HMCN1: variants seen among roughly 807,000 people sequenced by gnomAD.
HMCN1 encodes the protein hemicentin 1.
HMCN1 carries 321 observed loss-of-function variants against 625.9 expected under a neutral mutation model. The observed-to-expected ratio is 0.51, with a 90% CI of 0.47 to 0.56. The LOEUF (loss-of-function observed/expected upper bound fraction) is 0.56, where lower values mean the gene tolerates loss of function less well. HMCN1 is among the 20% of genes least tolerant of loss of function. The probability of loss-of-function intolerance (pLI) is 0.00; values close to 1 mark genes in which losing one functional copy is unlikely to be tolerated. For synonymous variants in HMCN1, 2,425 were observed against 2,417.6 expected (o/e 1.00, Z -0.09); for missense variants, 6,588 against 6,887.3 (o/e 0.96, Z 1.54).
intron 30 of HMCN1, among the ~76,000 whole-genome samples, chr1:186,008,003 G>C (rs2102098841): frequency 6.6e-6 from 1 of 152,184 alleles, no homozygotes; most frequent in Admixed American, 6.5e-5. Flanking sequence ...ACACCTCTTA[G>C]AATGTCACCT....
At chr1:185,798,524 C>T (rs1658560319) in intron 1 of HMCN1, among the ~76,000 whole-genome samples, 1 of 152,090 alleles carries the variant, frequency 6.6e-6, no homozygotes, top group Non-Finnish European at 1.5e-5. Context: ...TAGATTTGAA[C>T]ATTTTACATA....
At chr1:186,145,193 A>G (rs1322374) in intron 91 of HMCN1, among the ~76,000 whole-genome samples, 54,115 of 152,202 alleles carry the variant, frequency 0.36, 10,854 homozygotes, top group East Asian at 0.58. Flanking sequence ...GTTAAATTGA[A>G]TCACACAAAT....
At chr1:185,964,578 G>A (rs1464830428) in intron 13 of HMCN1, among the ~76,000 whole-genome samples, 1 of 152,064 alleles carries the variant, frequency 6.6e-6, no homozygotes, top group Non-Finnish European at 1.5e-5. Context: ...ATAGGTGAGG[G>A]AGAGAACCAA....
intron 98 of HMCN1, among the ~76,000 whole-genome samples, 163 bp downstream of exon 98, chr1:186,165,336 A>T (rs905689934): frequency 6.6e-6 from 1 of 152,230 alleles, no homozygotes; most frequent in African/African-American, 2.4e-5. Flanking sequence ...GAAAAGTCAA[A>T]CTATGGAAAA....
chr1:185,993,487 T>C, intron 23 of HMCN1, 178 bp downstream of exon 23: 1 of 618,736 alleles, frequency 1.6e-6, no homozygotes, highest in Non-Finnish European at 2.8e-6. Flanking sequence ...CTTCCTGCTA[T>C]TTATAAACAA....
At chr1:186,148,944 T>A (rs1650500448) in intron 93 of HMCN1, among the ~76,000 whole-genome samples, 5 of 152,188 alleles carry the variant, frequency 3.3e-5, no homozygotes, top group Non-Finnish European at 7.4e-5. Context: ...TCTTTTTTTT[T>A]TTTTTTTATT....
At chr1:186,035,395 A>G (rs1243673392) in intron 36 of HMCN1, among the ~76,000 whole-genome samples, 1 of 151,998 alleles carries the variant, frequency 6.6e-6, no homozygotes, top group Non-Finnish European at 1.5e-5. Flanking sequence ...ATCAACTTTG[A>G]GTTTTATTAT....
intron 11 of HMCN1, among the ~76,000 whole-genome samples, chr1:185,956,517 G>T (rs922337997): frequency 6.6e-6 from 1 of 152,208 alleles, no homozygotes; most frequent in African/African-American, 2.4e-5. Context: ...ATAGGGTGAG[G>T]TATGGTAGAA....
chr1:186,068,089 T>TA, intron 50 of HMCN1, 82 bp downstream of exon 50: 1 of 1,258,222 alleles, frequency 7.9e-7, no homozygotes. Context: ...TTACTTTTTA[T>TA]AAAAACACCA....
intron 16 of HMCN1, among the ~76,000 whole-genome samples, chr1:185,979,215 T>C (rs984960541): frequency 2.0e-5 from 3 of 152,012 alleles, no homozygotes; most frequent in Non-Finnish European, 4.4e-5. Context: ...ATGACTTGAA[T>C]GTCCAGGTGA....
chr1:186,057,125 T>G, intron 45 of HMCN1, 109 bp from the exon 46 acceptor site: 1 of 891,252 alleles, frequency 1.1e-6, no homozygotes, highest in Non-Finnish European at 1.8e-6. Flanking sequence ...GAAGTCTTAT[T>G]AACATACACT....
rs1170460347 is a variant in HMCN1, at chr1:186,064,425, C to T, written c.7514-813C>T. The stretch of plus-strand genomic sequence containing the variant: ...TCTTCCATCTATCTATGATAGAATC[C>T]TGGTATAGACTCAAAATATCTGCAT... On this transcript the variant is annotated intron_variant, in intron 48 of 106. Transcript: ENST00000271588. 4.6e-5 allele frequency among the ~76,000 whole-genome samples: 7 copies of T among 151,904 alleles called. 1 individual carries two copies. The highest frequency in any genetic ancestry group is 1.4e-4 in the African/African-American group (6 of 41,460).
At chr1:186,106,848 G>A (rs756444953) in intron 69 of HMCN1, 36 bp from the exon 70 acceptor site, 1 of 1,349,412 alleles carries the variant, frequency 7.4e-7, no homozygotes, top group African/African-American at 1.4e-5. Flanking sequence ...AAGCTAACAT[G>A]TTAACATTAT....
chr1:185,955,023 C>T (rs1288484937), intron 11 of HMCN1, among the ~76,000 whole-genome samples: 1 of 152,152 alleles, frequency 6.6e-6, no homozygotes, highest in Admixed American at 6.5e-5. Context: ...GTCCCTTCCC[C>T]TTTTTCTGTG....
chr1:185,798,340 AT>A (rs1292895820), intron 1 of HMCN1, among the ~76,000 whole-genome samples: 2 of 152,154 alleles, frequency 1.3e-5, no homozygotes, highest in East Asian at 3.9e-4. Context: ...TAGGCTGATG[AT>A]TGTATGTCTT....
chr1:185,900,932 C>T (rs1665770548), intron 4 of HMCN1, among the ~76,000 whole-genome samples: 1 of 151,746 alleles, frequency 6.6e-6, no homozygotes, highest in Non-Finnish European at 1.5e-5. Flanking sequence ...TGAGTGCAAA[C>T]CAACAGGAAA....
At chr1:185,779,944 G>T (rs2102169991) in intron 1 of HMCN1, among the ~76,000 whole-genome samples, 1 of 152,254 alleles carries the variant, frequency 6.6e-6, no homozygotes, top group Non-Finnish European at 1.5e-5. Flanking sequence ...GGGCAATATG[G>T]CCATTTTCAC....
intron 5 of HMCN1, among the ~76,000 whole-genome samples, chr1:185,911,462 G>T (rs572113227): frequency 6.6e-6 from 1 of 152,168 alleles, no homozygotes; most frequent in South Asian, 2.1e-4. Context: ...TGTCAATCAG[G>T]TCATAAGATA....
At chr1:186,008,104 A>G (rs1193276288) in intron 30 of HMCN1, among the ~76,000 whole-genome samples, 2 of 152,142 alleles carry the variant, frequency 1.3e-5, no homozygotes, top group Non-Finnish European at 2.9e-5. Context: ...TTGCTTAATT[A>G]TAGGTTTATT....
Sources: gnomAD v4.1 joint callset for allele counts (sites outside exome capture counted in the v4.1 genomes callset) on GRCh38, gnomAD v4.1.1 for gene constraint, MANE v1.5 for transcripts, NCBI Gene and HGNC (gene_info 2026-07-23, HGNC 2026-07-21) for gene names.